ABCA13: variants seen among roughly 807,000 people sequenced by gnomAD.
ABCA13 encodes the protein ATP binding cassette subfamily A member 13.
ABCA13 carries 476 observed loss-of-function variants against 478.7 expected under a neutral mutation model. The ratio of observed to expected loss-of-function variants is 0.99; its 90% CI spans 0.92 to 1.07. ABCA13 has a LOEUF of 1.07. Ranked by LOEUF, ABCA13 falls within the 50% of genes least tolerant of loss-of-function variation. The pLI is 0.00. For missense variants in ABCA13, 6,060 were observed against 5,910.6 expected, an observed-to-expected ratio of 1.03 and a Z score of -0.83; for synonymous variants, 2,252 against 2,158.9, an observed-to-expected ratio of 1.04 and a Z score of -1.20.
Position 48,403,348 on chromosome 7 carries a change from T to A in ABCA13, c.11874-335T>A, listed in dbSNP as rs534932450. 7.2e-5 allele frequency among the ~76,000 whole-genome samples: 11 copies of A among 152,276 alleles called. No individual in the cohort carries two copies. The South Asian group carries it at 2.3e-3, about 32-fold the overall frequency. On this transcript the variant is annotated intron_variant, in intron 38 of 61. Coordinates refer to ENST00000435803, the MANE Select transcript of ABCA13 (RefSeq NM_152701.5). ...CCATTCCACCATACTCCATACCCTG[T>A]AGAGGGATGCAGGGCCCTCCCTGGC...
Position 48,272,536 on chromosome 7 carries a change from A to T in ABCA13, c.2870A>T (p.Asp957Val). 1 of 1,613,808 alleles carries T rather than the reference A, an allele frequency of 6.2e-7. No homozygotes were observed. Among genetic ancestry groups the T allele is most frequent in the Non-Finnish European group, 8.5e-7 (1 of 1,179,762 alleles). The change falls in exon 17 of 62, where the codon GAT becomes GTT. Residue 957 changes from aspartate (D) to valine (V), a missense_variant. By Grantham distance (152) the Asp-to-Val change is radical. Transcript: ENST00000435803. Reference sequence around the variant, plus strand: ...CACCTAAATGTCTTCCAGGACAAGGATTCAGCTTTACTTCTGCAAATTTAT... The same window carrying T: ...CACCTAAATGTCTTCCAGGACAAGGTTTCAGCTTTACTTCTGCAAATTTAT... Reference protein sequence around the residue: ...HIHLNVFQDKDSALLLQIYSS... With the variant: ...HIHLNVFQDKVSALLLQIYSS...
At chr7:48,590,864 T>C (rs1789659393) in intron 57 of ABCA13, among the ~76,000 whole-genome samples, 1 of 152,128 alleles carries the variant, frequency 6.6e-6, no homozygotes, top group East Asian at 1.9e-4. Flanking sequence ...CTTTCATATA[T>C]AGGATGTAAC....
At chr7:48,240,824 T>C in intron 9 of ABCA13, 43 bp from the exon 10 acceptor site, 1 of 1,430,588 alleles carries the variant, frequency 7.0e-7, no homozygotes, top group Non-Finnish European at 9.3e-7. Flanking sequence ...TTCTTTCCAA[T>C]TTGCTATTAT....
intron 23 of ABCA13, among the ~76,000 whole-genome samples, chr7:48,308,718 A>G (rs1418373511): frequency 1.3e-5 from 2 of 151,992 alleles, no homozygotes; most frequent in Non-Finnish European, 2.9e-5. Context: ...AATGGACCCC[A>G]TATAGGATGG....
intron 53 of ABCA13, among the ~76,000 whole-genome samples, chr7:48,522,620 T>C (rs1431056957): frequency 6.6e-6 from 1 of 152,248 alleles, no homozygotes; most frequent in African/African-American, 2.4e-5. Flanking sequence ...GGCACATTTC[T>C]GGGCATAGTT....
intron 15 of ABCA13, among the ~76,000 whole-genome samples, chr7:48,260,627 T>C (rs1455655873): frequency 6.6e-6 from 1 of 152,086 alleles, no homozygotes; most frequent in Non-Finnish European, 1.5e-5. Context: ...CAGTTTTCTA[T>C]GAATTAATCA....
At chr7:48,634,508 A>G (rs560642569) in intron 59 of ABCA13, among the ~76,000 whole-genome samples, 2 of 152,052 alleles carry the variant, frequency 1.3e-5, no homozygotes, top group Non-Finnish European at 2.9e-5. Flanking sequence ...TTCTTGGTCA[A>G]TTATGCTAAA....
intron 58 of ABCA13, among the ~76,000 whole-genome samples, chr7:48,599,199 A>C (rs923110419): frequency 6.6e-6 from 1 of 151,740 alleles, no homozygotes; most frequent in Non-Finnish European, 1.5e-5. Context: ...TTTGACCCTT[A>C]GTTTATTTAG....
chr7:48,332,233 G>T (rs1433502), intron 27 of ABCA13, among the ~76,000 whole-genome samples: 8,178 of 152,112 alleles, frequency 0.054, 575 homozygotes, highest in African/African-American at 0.15. Context: ...CTTAAACATT[G>T]TTGAGCATCC....
intron 59 of ABCA13, among the ~76,000 whole-genome samples, chr7:48,629,276 A>G (rs889370802): frequency 2.0e-5 from 3 of 152,170 alleles, no homozygotes; most frequent in South Asian, 2.1e-4. Context: ...CCAGAATCCA[A>G]CTGTACACTA....
At chr7:48,566,942 A>G (rs1787129860) in intron 55 of ABCA13, among the ~76,000 whole-genome samples, 1 of 152,174 alleles carries the variant, frequency 6.6e-6, no homozygotes, top group Non-Finnish European at 1.5e-5. Flanking sequence ...ATTCTACCGA[A>G]CTACTTATAG....
At position 48,399,602 on chromosome 7, in the gene ABCA13, T is replaced by C. The variant is rs1817316031; in HGVS notation, c.11874-4081T>C. Among the ~76,000 whole-genome samples the C allele has an allele frequency of 6.6e-5, 10 of 152,250 alleles. No individual in the cohort carries two copies. In the South Asian group the frequency reaches 2.1e-3, roughly 32 times the overall value. ...AGGATGTAACTTGGTTGTGAGTAAA[T>C]GGGATTGGTGGAGTGAAGGGAGGAT... is the stretch of plus-strand genomic sequence containing the variant. On this transcript the variant is annotated intron_variant, in intron 38 of 61. Coordinates refer to ENST00000435803, the MANE Select transcript of ABCA13 (RefSeq NM_152701.5).
At chr7:48,259,442 C>G (rs567443330) in intron 15 of ABCA13, among the ~76,000 whole-genome samples, 1 of 152,108 alleles carries the variant, frequency 6.6e-6, no homozygotes, top group South Asian at 2.1e-4. Context: ...TTTCTGCTTT[C>G]CATTTGCTTG....
intron 39 of ABCA13, among the ~76,000 whole-genome samples, chr7:48,409,106 G>C (rs1818649175): frequency 6.6e-6 from 1 of 152,168 alleles, no homozygotes; most frequent in African/African-American, 2.4e-5. Flanking sequence ...ATTTACTTGA[G>C]TAGAGTTAAA....
At chr7:48,440,733 T>C (rs1823474793) in intron 42 of ABCA13, among the ~76,000 whole-genome samples, 1 of 151,810 alleles carries the variant, frequency 6.6e-6, no homozygotes, top group Non-Finnish European at 1.5e-5. Flanking sequence ...AGGATATATA[T>C]ATCCTCTTTA....
intron 45 of ABCA13, among the ~76,000 whole-genome samples, chr7:48,479,987 A>G (rs1171780088): frequency 6.6e-6 from 1 of 152,208 alleles, no homozygotes; most frequent in Non-Finnish European, 1.5e-5. Flanking sequence ...TCTTAGAAGT[A>G]ATATTTATGG....
chr7:48,642,816 A>C (rs183418386), intron 59 of ABCA13, among the ~76,000 whole-genome samples: 2 of 152,186 alleles, frequency 1.3e-5, no homozygotes, highest in Non-Finnish European at 2.9e-5. Flanking sequence ...GTTGAAGTAC[A>C]ATTGGGATAA....
In ABCA13 at chr7:48,275,051, A is replaced by C. The variant is rs1240087980; in HGVS notation, c.5385A>C (p.Ile1795=). The C allele has an allele frequency of 6.2e-7, 1 of 1,613,698 alleles. No homozygotes were observed. The highest frequency in any genetic ancestry group is 1.1e-5 in the South Asian group (1 of 91,052). Reference sequence around the variant, plus strand: ...CCAAGGAAGACTTCGCAATTGTGATAAAAATTCTTTTGGATACAATTGAAT... The same window carrying C: ...CCAAGGAAGACTTCGCAATTGTGATCAAAATTCTTTTGGATACAATTGAAT... ...NITKEDFAIV[I]KILLDTIELV... is the part of the protein sequence containing the mutation. The change falls in exon 17 of 62, where the codon ATA becomes ATC. Residue 1795 remains isoleucine (I), a synonymous_variant. Coordinates refer to ENST00000435803, the MANE Select transcript of ABCA13 (RefSeq NM_152701.5).
At chr7:48,220,186 C>G (rs1379139521) in intron 4 of ABCA13, among the ~76,000 whole-genome samples, 1 of 152,054 alleles carries the variant, frequency 6.6e-6, no homozygotes, top group African/African-American at 2.4e-5. Context: ...GTTTTGCTTA[C>G]AAATGGAGAA....
Sources: gnomAD v4.1 joint callset for allele counts (sites outside exome capture counted in the v4.1 genomes callset) on GRCh38, gnomAD v4.1.1 for gene constraint, MANE v1.5 for transcripts, NCBI Gene and HGNC (gene_info 2026-07-23, HGNC 2026-07-21) for gene names.